GDPD1: variants seen among roughly 807,000 people sequenced by gnomAD.
GDPD1 encodes glycerophosphodiester phosphodiesterase domain containing 1.
Under a neutral mutation model 45.1 loss-of-function variants are expected in GDPD1, and 28 were observed. That is an observed-to-expected ratio of 0.62 (90% CI 0.46 to 0.85). GDPD1 has a LOEUF of 0.85. Among genes scored for constraint, GDPD1 ranks in the 40% least tolerant of loss-of-function variants. The probability of loss-of-function intolerance (pLI) is 0.00; values close to 1 mark genes in which losing one functional copy is unlikely to be tolerated. For synonymous variants in GDPD1, 139 were observed against 131.4 expected (o/e 1.06, Z -0.40); for missense variants, 256 against 364.8 (o/e 0.70, Z 2.43).
chr17:59,255,810 T>TATAC (rs2047298717), intron 4 of GDPD1, among the ~76,000 whole-genome samples: 1 of 85,768 alleles, frequency 1.2e-5, no homozygotes, highest in African/African-American at 6.4e-5. Context: ...TATATATATA[T>TATAC]ACGCGTATAT....
At chr17:59,248,360 T>C (rs1361557294) in intron 3 of GDPD1, among the ~76,000 whole-genome samples, 1 of 152,062 alleles carries the variant, frequency 6.6e-6, no homozygotes, top group Non-Finnish European at 1.5e-5. Context: ...ATTATAATTA[T>C]ACCAAAATTT....
intron 2 of GDPD1, among the ~76,000 whole-genome samples, 187 bp downstream of exon 2, chr17:59,234,721 T>C (rs976822126): frequency 7.2e-5 from 11 of 152,212 alleles, no homozygotes; most frequent in African/African-American, 2.4e-4. Context: ...GTTTGGCTTC[T>C]GTATTACTGA....
intron 7 of GDPD1, 68 bp from the exon 8 acceptor site, chr17:59,270,868 G>T: frequency 1.0e-6 from 1 of 975,138 alleles, no homozygotes; most frequent in Non-Finnish European, 1.6e-6. Flanking sequence ...TTTTGAATTT[G>T]TTTCATTTTA....
At chr17:59,239,162 T>C (rs1264339202) in intron 2 of GDPD1, among the ~76,000 whole-genome samples, 2 of 152,238 alleles carry the variant, frequency 1.3e-5, no homozygotes, top group East Asian at 3.8e-4. Flanking sequence ...CTGGTTCTCA[T>C]GATAAATATT....
intron 1 of GDPD1, among the ~76,000 whole-genome samples, chr17:59,229,502 G>C (rs1475932508): frequency 6.6e-6 from 1 of 151,532 alleles, no homozygotes; most frequent in Admixed American, 6.6e-5. Context: ...TGGAATTACA[G>C]GCGTGAGCCA....
chr17:59,261,913 C>CTTTTTTTTTTTTTTTTTTTTT (rs58058526), intron 6 of GDPD1, among the ~76,000 whole-genome samples: 1 of 79,334 alleles, frequency 1.3e-5, no homozygotes. Context: ...AGATTACAGG[C>CTTTTTTTTTTTTTTTTTTTTT]TTTTTTTTTT....
chr17:59,229,122 GTTATTATTATTATTA>G (rs71145540), intron 1 of GDPD1, among the ~76,000 whole-genome samples: 3,540 of 134,380 alleles, frequency 0.026, 159 homozygotes, highest in African/African-American at 0.091. Flanking sequence ...TCCTCAAATT[GTTATTATTATTATTA>G]TTATTATTAT....
In GDPD1 at chr17:59,220,541, C is replaced by G. The variant is rs1335963229; in HGVS notation, c.-69C>G. 4.8e-5 allele frequency: 73 copies of G among 1,536,778 alleles called. No individual in the cohort carries two copies. The highest frequency in any genetic ancestry group is 6.1e-5 in the Non-Finnish European group (69 of 1,130,984). Reference sequence around the variant, plus strand: ...GACCTCGAGCAGCCGCCGCCGCCGCCGTCGTTGCTACTGCCGCAGCGGAGT... The same window carrying G: ...GACCTCGAGCAGCCGCCGCCGCCGCGGTCGTTGCTACTGCCGCAGCGGAGT... On this transcript the variant is annotated 5_prime_UTR_variant, in exon 1 of 10. Coordinates refer to ENST00000284116, the MANE Select transcript of GDPD1 (RefSeq NM_182569.4).
At chr17:59,269,829 A>G (rs2047431370) in intron 7 of GDPD1, among the ~76,000 whole-genome samples, 1 of 152,162 alleles carries the variant, frequency 6.6e-6, no homozygotes, top group South Asian at 2.1e-4. Context: ...CCAATAAATA[A>G]ATAAATAAAA....
At chr17:59,263,483 C>CTTTTTTTTTTTTTTTTTTTTTTT (rs537639356) in intron 6 of GDPD1, among the ~76,000 whole-genome samples, 2 of 120,308 alleles carry the variant, frequency 1.7e-5, no homozygotes, top group African/African-American at 6.3e-5. Context: ...TTTTCCTTTC[C>CTTTTTTTTTTTTTTTTTTTTTTT]TTTTTTTTTT....
intron 1 of GDPD1, among the ~76,000 whole-genome samples, chr17:59,225,085 CTTTTCT>C (rs1263999376): frequency 7.5e-6 from 1 of 132,650 alleles, no homozygotes; most frequent in African/African-American, 2.8e-5. Flanking sequence ...TATTTTCTTT[CTTTTCT>C]TTTTTTTTTT....
intron 2 of GDPD1, among the ~76,000 whole-genome samples, chr17:59,236,551 A>G (rs1266186951): frequency 1.3e-5 from 2 of 152,094 alleles, no homozygotes; most frequent in Non-Finnish European, 2.9e-5. Flanking sequence ...GCTGGAGTGC[A>G]ATGGCGGGAT....
chr17:59,267,303 C>G (rs1434482249), intron 7 of GDPD1, 129 bp downstream of exon 7: 2 of 758,850 alleles, frequency 2.6e-6, no homozygotes, highest in Non-Finnish European at 4.2e-6. Flanking sequence ...TATTACCTGA[C>G]CTATATTATG....
Position 59,273,665 on chromosome 17 carries a change from A to G in GDPD1, c.837A>G (p.Val279=). Residue 279 remains valine (V), a synonymous_variant, in exon 10 of 10, where the codon GTA becomes GTG. Coordinates refer to ENST00000284116, the MANE Select transcript of GDPD1 (RefSeq NM_182569.4). ...CTAATTTTCAGGTGTATATTTGGGT[A>G]TTAAATGAAGAACAAGAATACAAAA... ...TARGIQVYIW[V]LNEEQEYKRA... 6.6e-7 allele frequency: 1 copy of G among 1,519,718 alleles called. No individual in the cohort carries two copies. The highest frequency in any genetic ancestry group is 9.1e-7 in the Non-Finnish European group (1 of 1,103,034). The allele number at this position is 1,519,718 out of a possible 1,614,324, so 94.1% of individuals were successfully genotyped here. A position where few individuals can be genotyped will look rare whatever the true frequency, so the allele number is the denominator to read the frequency against.
chr17:59,227,295 T>TA (rs375650083), intron 1 of GDPD1, among the ~76,000 whole-genome samples: 71 of 151,964 alleles, frequency 4.7e-4, no homozygotes, highest in African/African-American at 1.7e-3. Flanking sequence ...GGCATGTGCT[T>TA]ACAGTCCTAG....
intron 4 of GDPD1, among the ~76,000 whole-genome samples, chr17:59,252,768 G>A (rs894673335): frequency 6.6e-6 from 1 of 151,496 alleles, no homozygotes; most frequent in Non-Finnish European, 1.5e-5. Flanking sequence ...GGGAGGTTGA[G>A]GCAGGAAGAT....
chr17:59,233,744 G>A (rs2047110307), intron 1 of GDPD1, among the ~76,000 whole-genome samples: 1 of 152,070 alleles, frequency 6.6e-6, no homozygotes, highest in Admixed American at 6.6e-5. Flanking sequence ...CTTATCGGTA[G>A]CCTATAAATT....
At chr17:59,244,592 C>T (rs868346863) in intron 2 of GDPD1, among the ~76,000 whole-genome samples, 4 of 152,108 alleles carry the variant, frequency 2.6e-5, no homozygotes, top group African/African-American at 9.7e-5. Flanking sequence ...TTTTGCCTCC[C>T]ATAGTGCTGG....
At chr17:59,223,597 A>G (rs2047022760) in intron 1 of GDPD1, among the ~76,000 whole-genome samples, 1 of 152,216 alleles carries the variant, frequency 6.6e-6, no homozygotes, top group South Asian at 2.1e-4. Context: ...CATAACTGCA[A>G]ATACCTGATA....
Sources: allele counts gnomAD v4.1 joint callset (sites outside exome capture counted in the v4.1 genomes callset), GRCh38; gene constraint gnomAD v4.1.1; transcripts MANE v1.5; gene names NCBI Gene and HGNC (gene_info 2026-07-23, HGNC 2026-07-21).